The following SH3PXD2A variants were observed in gnomAD, a reference collection of about 807,000 sequenced individuals.
SH3PXD2A encodes SH3 and PX domain-containing protein 2A.
SH3PXD2A carries 32 observed loss-of-function variants against 115.2 expected under a neutral mutation model. The ratio of observed to expected loss-of-function variants is 0.28; its 90% CI spans 0.21 to 0.37. SH3PXD2A has a LOEUF of 0.37. SH3PXD2A is among the 10% of genes least tolerant of loss of function. SH3PXD2A has a pLI of 1.00. For missense variants in SH3PXD2A, 1,328 were observed against 1,498.7 expected (o/e 0.89, Z 1.88); for synonymous variants, 610 against 629.1 (o/e 0.97, Z 0.45).
intron 2 of SH3PXD2A, among the ~76,000 whole-genome samples, chr10:103,768,743 G>A (rs1032515165): frequency 1.3e-5 from 2 of 152,170 alleles, no homozygotes; most frequent in South Asian, 2.1e-4. Flanking sequence ...GGTGAAAAGC[G>A]GTTTGTCTTA....
chr10:103,681,722 TGAC>T (rs1564862378), intron 6 of SH3PXD2A, among the ~76,000 whole-genome samples: 5 of 150,796 alleles, frequency 3.3e-5, no homozygotes, highest in Non-Finnish European at 7.4e-5. Context: ...CCAGCCTGGG[TGAC>T]AGAGTGAGAC....
chr10:103,758,443 T>G (rs530667678), intron 3 of SH3PXD2A, among the ~76,000 whole-genome samples: 1 of 152,342 alleles, frequency 6.6e-6, no homozygotes, highest in African/African-American at 2.4e-5. Flanking sequence ...CTTCTGGCAC[T>G]CATCACTCTT....
intron 3 of SH3PXD2A, among the ~76,000 whole-genome samples, chr10:103,761,419 T>C (rs770816634): frequency 1.3e-5 from 2 of 152,180 alleles, no homozygotes; most frequent in Non-Finnish European, 2.9e-5. Flanking sequence ...TTTAAAAAAA[T>C]GCTGTTAGGA....
intron 11 of SH3PXD2A, among the ~76,000 whole-genome samples, chr10:103,616,293 C>T (rs1394743233): frequency 6.6e-6 from 1 of 152,138 alleles, no homozygotes; most frequent in African/African-American, 2.4e-5. Flanking sequence ...TCTGGGGTCC[C>T]CAGAGCCCAA....
intron 3 of SH3PXD2A, among the ~76,000 whole-genome samples, chr10:103,750,092 G>A (rs1046520706): frequency 4.6e-5 from 7 of 152,024 alleles, no homozygotes; most frequent in Non-Finnish European, 4.4e-5. Context: ...TTGCTATGTC[G>A]CCCAGGCTGG....
At chr10:103,661,755 C>T in intron 7 of SH3PXD2A, 1 of 985,348 alleles carries the variant, frequency 1.0e-6, no homozygotes, top group Non-Finnish European at 1.2e-6. Context: ...CCGCCAATCA[C>T]TGGGGTTTAC....
intron 2 of SH3PXD2A, among the ~76,000 whole-genome samples, chr10:103,769,588 C>T (rs1212558108): frequency 1.3e-5 from 2 of 151,942 alleles, no homozygotes; most frequent in Admixed American, 6.6e-5. Flanking sequence ...TGTGCCACCA[C>T]GCCTGGCTAA....
At chr10:103,639,773 T>TG (rs1460174389) in intron 8 of SH3PXD2A, among the ~76,000 whole-genome samples, 1 of 152,076 alleles carries the variant, frequency 6.6e-6, no homozygotes, top group African/African-American at 2.4e-5. Context: ...AGATGGAAGA[T>TG]GCAAGAAGGT....
intron 3 of SH3PXD2A, among the ~76,000 whole-genome samples, chr10:103,752,978 T>A (rs556442047): frequency 1.8e-4 from 28 of 152,264 alleles, no homozygotes; most frequent in Admixed American, 5.9e-4. Context: ...ACCATAAGAA[T>A]GTGATACTTT....
chr10:103,722,541 A>T (rs1279435353), intron 5 of SH3PXD2A, among the ~76,000 whole-genome samples: 1 of 151,090 alleles, frequency 6.6e-6, no homozygotes, highest in Non-Finnish European at 1.5e-5. Context: ...GGCTCAAGAG[A>T]TCCACCTGCC....
chr10:103,623,198 A>G (rs2133950501), intron 9 of SH3PXD2A, among the ~76,000 whole-genome samples: 1 of 152,200 alleles, frequency 6.6e-6, no homozygotes, highest in Middle Eastern at 3.4e-3. Flanking sequence ...GGAATGACAC[A>G]AGGGTGGGTG....
chr10:103,750,169 A>C (rs2038558554), intron 3 of SH3PXD2A, among the ~76,000 whole-genome samples: 1 of 152,158 alleles, frequency 6.6e-6, no homozygotes, highest in Non-Finnish European at 1.5e-5. Flanking sequence ...CTCCCACCTC[A>C]GCCTCCCAAG....
In SH3PXD2A at chr10:103,594,926, T is replaced by C. The variant is rs1009699687; in HGVS notation, c.*6890A>G. On this transcript the variant is annotated 3_prime_UTR_variant, in exon 15 of 15. Coordinates refer to ENST00000369774, the MANE Select transcript of SH3PXD2A (RefSeq NM_001394015.1). Reference sequence around the variant, plus strand: ...TTCCTCCCAGATGTGCCCAATGGAGTCTGAACTCTGGTTCTAATTTGTGGA... The same window carrying C: ...TTCCTCCCAGATGTGCCCAATGGAGCCTGAACTCTGGTTCTAATTTGTGGA... 7.2e-5 allele frequency: 11 copies of C among 152,076 alleles called. No homozygotes were observed. Among genetic ancestry groups the C allele is most frequent in the African/African-American group, 2.7e-4 (11 of 41,400 alleles). 9.4% of individuals were successfully genotyped at this position (152,076 alleles called of 1,614,324 possible).
intron 8 of SH3PXD2A, among the ~76,000 whole-genome samples, chr10:103,638,921 C>T (rs1261554450): frequency 6.6e-6 from 1 of 152,172 alleles, no homozygotes; most frequent in Non-Finnish European, 1.5e-5. Context: ...GTGTCATTTA[C>T]CCTTGACCTC....
At chr10:103,647,939 G>A (rs576601160) in intron 8 of SH3PXD2A, among the ~76,000 whole-genome samples, 11 of 152,198 alleles carry the variant, frequency 7.2e-5, no homozygotes, top group Non-Finnish European at 1.6e-4. Context: ...CCCTAGGGGT[G>A]GGTTGGAGCC....
At position 103,767,119 on chromosome 10, in the gene SH3PXD2A, CT is replaced by C; in HGVS notation, c.203del (p.Lys68SerfsTer22). On this transcript the variant is annotated frameshift_variant, in exon 3 of 15. Transcript: ENST00000369774. LOFTEE classifies it high-confidence loss of function. Reference protein sequence around the residue: ...FPIEGGQKDPKQRIIPFLPGK... With the variant: ...FPIEGGQKDPXQRIIPFLPGK... ...CTGGGAGGAAGGGGATGATCCTTTG[CT>C]TGGGGTCCTTCTGGCCACCTTCAAT... 6.2e-7 allele frequency: 1 copy of C among 1,614,040 alleles called. No homozygotes were observed. Among genetic ancestry groups the C allele is most frequent in the South Asian group, 1.1e-5 (1 of 91,060 alleles).
At chr10:103,619,990 TGGACACAGG>T (rs2036579166) in intron 10 of SH3PXD2A, among the ~76,000 whole-genome samples, 2 of 152,214 alleles carry the variant, frequency 1.3e-5, no homozygotes, top group Non-Finnish European at 2.9e-5. Flanking sequence ...ACTTTCCATG[TGGACACAGG>T]CCTTGTGGGT....
intron 5 of SH3PXD2A, chr10:103,693,736 C>A (rs987658517): frequency 5.3e-5 from 8 of 152,266 alleles, no homozygotes; most frequent in African/African-American, 1.2e-4. Flanking sequence ...TGGATAAGGT[C>A]CTTCTCAAAG....
At chr10:103,802,616 C>T (rs1283735249) in intron 1 of SH3PXD2A, among the ~76,000 whole-genome samples, 1 of 152,218 alleles carries the variant, frequency 6.6e-6, no homozygotes, top group African/African-American at 2.4e-5. Flanking sequence ...CCTCCCACAG[C>T]CTCAGGGCTT....
Sources: allele counts gnomAD v4.1 joint callset (sites outside exome capture counted in the v4.1 genomes callset), GRCh38; gene constraint gnomAD v4.1.1; transcripts MANE v1.5; gene names NCBI Gene and HGNC (gene_info 2026-07-23, HGNC 2026-07-21).